Variants in SORT1 observed in about 807,000 individuals in gnomAD.
SORT1 encodes the protein sortilin 1, also known as sortilin.
SORT1 carries 39 observed loss-of-function variants against 101.7 expected under a neutral mutation model. The ratio of observed to expected loss-of-function variants is 0.38; its 90% CI spans 0.30 to 0.50. The LOEUF is 0.50. Among genes scored for constraint, SORT1 ranks in the 20% least tolerant of loss-of-function variants. The pLI is 0.90. For missense variants in SORT1, 878 were observed against 1,040.4 expected (o/e 0.84, Z 2.15); for synonymous variants, 396 against 393.7 (o/e 1.01, Z -0.07).
Position 109,385,031 on chromosome 1 carries a change from TCACAA to T in SORT1, c.306+12551_306+12555del, listed in dbSNP as rs1461323567. On this transcript the variant is annotated intron_variant, in intron 1 of 19. Transcript: ENST00000256637. Reference sequence around the variant, plus strand: ...AGGCGGAGGTTGCAGTGAGCTGAGATCACAACACTGCACTCCAGCCTGGACAATAG... The same window carrying T: ...AGGCGGAGGTTGCAGTGAGCTGAGATCACTGCACTCCAGCCTGGACAATAG... Among the ~76,000 whole-genome samples, 4 of 151,972 alleles carry T rather than the reference TCACAA, an allele frequency of 2.6e-5. No individual in the cohort carries two copies. In the East Asian group the frequency reaches 7.7e-4, roughly 29 times the overall value.
At chr1:109,390,940 T>C (rs1373945392) in intron 1 of SORT1, among the ~76,000 whole-genome samples, 2 of 152,230 alleles carry the variant, frequency 1.3e-5, no homozygotes, top group East Asian at 3.9e-4. Context: ...TAATCACATA[T>C]AAGTTTCTAC....
chr1:109,380,097 G>A (rs1652119518), intron 1 of SORT1, among the ~76,000 whole-genome samples: 2 of 151,964 alleles, frequency 1.3e-5, no homozygotes, highest in South Asian at 2.1e-4. Flanking sequence ...GCAACATAGT[G>A]AGACCCTGTC....
At chr1:109,316,502 G>T (rs888130086) in intron 17 of SORT1, among the ~76,000 whole-genome samples, 2 of 152,120 alleles carry the variant, frequency 1.3e-5, no homozygotes, top group African/African-American at 4.8e-5. Context: ...AAAGTGCTGG[G>T]ATTACAGGTG....
At chr1:109,373,435 A>C (rs564113098) in intron 1 of SORT1, among the ~76,000 whole-genome samples, 3 of 152,242 alleles carry the variant, frequency 2.0e-5, no homozygotes, top group Non-Finnish European at 4.4e-5. Flanking sequence ...CAGCACACGC[A>C]TGTGAGGAAA....
chr1:109,321,592 G>A (rs928702456), intron 15 of SORT1, among the ~76,000 whole-genome samples: 1 of 152,164 alleles, frequency 6.6e-6, no homozygotes, highest in African/African-American at 2.4e-5. Context: ...ACACACAGGT[G>A]TGAGCCATGC....
intron 10 of SORT1, among the ~76,000 whole-genome samples, chr1:109,340,146 C>CA (rs34790280): frequency 0.12 from 11,569 of 96,158 alleles, 638 homozygotes; most frequent in Non-Finnish European, 0.16. Context: ...GATTCCATCT[C>CA]AAAAAAAAAA....
chr1:109,374,063 T>C (rs1227329543), intron 1 of SORT1, among the ~76,000 whole-genome samples: 2 of 152,100 alleles, frequency 1.3e-5, no homozygotes, highest in Non-Finnish European at 2.9e-5. Flanking sequence ...CACTCCAGCC[T>C]GAGCAACAGA....
At chr1:109,317,992 T>A in intron 15 of SORT1, 23 bp from the exon 16 acceptor site, 1 of 1,483,146 alleles carries the variant, frequency 6.7e-7, no homozygotes, top group Non-Finnish European at 9.4e-7. Flanking sequence ...GCAAATAAAG[T>A]ACCTTTCAAA....
intron 5 of SORT1, 71 bp downstream of exon 5, chr1:109,354,296 G>A (rs1325281120): frequency 1.9e-6 from 2 of 1,075,232 alleles, no homozygotes; most frequent in East Asian, 2.6e-5. Flanking sequence ...TTTCCTAAAG[G>A]ATCCTTCTAA....
At chr1:109,329,911 T>C (rs1238324538) in intron 11 of SORT1, among the ~76,000 whole-genome samples, 1 of 152,248 alleles carries the variant, frequency 6.6e-6, no homozygotes, top group Non-Finnish European at 1.5e-5. Flanking sequence ...ATACATTCTT[T>C]TCAAGTGCAC....
chr1:109,352,153 T>G (rs1257727130), intron 5 of SORT1, among the ~76,000 whole-genome samples: 3 of 152,054 alleles, frequency 2.0e-5, no homozygotes, highest in African/African-American at 4.8e-5. Flanking sequence ...CAGTTTTAAA[T>G]TGATTTAAGG....
intron 1 of SORT1, among the ~76,000 whole-genome samples, chr1:109,378,530 C>T (rs1408202656): frequency 6.6e-6 from 1 of 150,910 alleles, no homozygotes; most frequent in African/African-American, 2.4e-5. Context: ...GAGGATAAAG[C>T]TTTGTTGCCA....
intron 6 of SORT1, 118 bp from the exon 7 acceptor site, chr1:109,347,650 C>T (rs1008166963): frequency 1.5e-6 from 1 of 677,112 alleles, no homozygotes; most frequent in African/African-American, 1.8e-5. Context: ...CACTGACAAG[C>T]ACCACTTCTC....
At chr1:109,325,808 C>G (rs2101547662) in intron 13 of SORT1, among the ~76,000 whole-genome samples, 1 of 152,002 alleles carries the variant, frequency 6.6e-6, no homozygotes. Context: ...AACCCCGTCT[C>G]TACCAAAACA....
At chr1:109,371,208 G>A (rs1284085351) in intron 1 of SORT1, among the ~76,000 whole-genome samples, 1 of 152,248 alleles carries the variant, frequency 6.6e-6, no homozygotes, top group Non-Finnish European at 1.5e-5. Flanking sequence ...ATTCAGACAT[G>A]CAGGCTTGCC....
Position 109,345,741 on chromosome 1 carries a change from C to T in SORT1, c.963+10G>A. 6.2e-7 allele frequency: 1 copy of T among 1,610,586 alleles called. No individual in the cohort carries two copies. Among genetic ancestry groups the T allele is most frequent in the Non-Finnish European group, 8.5e-7 (1 of 1,178,624 alleles). On this transcript the variant is annotated intron_variant, in intron 8 of 19. Transcript: ENST00000256637. ...ATATCAGACCCCAAAGGGGAGAGGG[C>T]AATACCTACCTTATCAGCCATCACA...
At chr1:109,359,582 C>T (rs1016905216) in intron 3 of SORT1, among the ~76,000 whole-genome samples, 2 of 152,176 alleles carry the variant, frequency 1.3e-5, no homozygotes, top group Non-Finnish European at 2.9e-5. Flanking sequence ...TCACTGCAAC[C>T]TCTGTCTCCC....
intron 1 of SORT1, among the ~76,000 whole-genome samples, chr1:109,375,457 G>C (rs1651767577): frequency 7.0e-6 from 1 of 143,666 alleles, no homozygotes; most frequent in Non-Finnish European, 1.5e-5. Context: ...GCAGGAGAAT[G>C]GCGTGAACCC....
chr1:109,380,181 G>A (rs372883302), intron 1 of SORT1, among the ~76,000 whole-genome samples: 5 of 152,090 alleles, frequency 3.3e-5, no homozygotes, highest in East Asian at 3.9e-4. Flanking sequence ...TGGTCCCAGC[G>A]ACTCAGGAGG....
Sources: gnomAD v4.1 joint callset for allele counts (sites outside exome capture counted in the v4.1 genomes callset) on GRCh38, gnomAD v4.1.1 for gene constraint, MANE v1.5 for transcripts, NCBI Gene and HGNC (gene_info 2026-07-23, HGNC 2026-07-21) for gene names.